PPP6R2: variants seen among roughly 807,000 people sequenced by gnomAD.
PPP6R2 encodes serine/threonine-protein phosphatase 6 regulatory subunit 2.
A neutral mutation model predicts 100.2 loss-of-function variants in PPP6R2; 62 were observed. That is an observed-to-expected ratio of 0.62 (90% CI 0.50 to 0.76). PPP6R2 has a LOEUF of 0.76. PPP6R2 is among the 30% of genes least tolerant of loss of function. The pLI is 0.00. For synonymous variants in PPP6R2, 525 were observed against 514.7 expected, an observed-to-expected ratio of 1.02 and a Z score of -0.27; for missense variants, 1,142 against 1,276.3, an observed-to-expected ratio of 0.89 and a Z score of 1.60.
chr22:50,395,226 G>A (rs529418395), intron 3 of PPP6R2, among the ~76,000 whole-genome samples: 4 of 152,298 alleles, frequency 2.6e-5, no homozygotes, highest in East Asian at 1.9e-4. Context: ...GGTACCGTCC[G>A]TTCTCAGAGT....
At chr22:50,424,326 A>C (rs12163307) in intron 10 of PPP6R2, among the ~76,000 whole-genome samples, 49,859 of 142,770 alleles carry the variant, frequency 0.35, 9,776 homozygotes, top group East Asian at 0.64. Context: ...CAGTTCTGTC[A>C]GCGTGTGGAA....
chr22:50,375,721 TC>T (rs1290740635), intron 2 of PPP6R2, among the ~76,000 whole-genome samples: 4 of 151,800 alleles, frequency 2.6e-5, no homozygotes, highest in Non-Finnish European at 4.4e-5. Flanking sequence ...TTCAGGGAAA[TC>T]GGGCATGAAT....
At chr22:50,438,008 C>T (rs1368015104) in intron 17 of PPP6R2, 108 bp downstream of exon 17, 1 of 1,510,702 alleles carries the variant, frequency 6.6e-7, no homozygotes, top group East Asian at 2.3e-5. Context: ...TGGGAGAGGC[C>T]CCTCTGTGGA....
chr22:50,440,876 T>A lies in PPP6R2; in HGVS notation c.2429T>A (p.Leu810Gln). The A allele has an allele frequency of 6.2e-7, 1 of 1,613,854 alleles. No homozygotes were observed. Among genetic ancestry groups the A allele is most frequent in the Non-Finnish European group, 8.5e-7 (1 of 1,179,988 alleles). ...WNVCVTRKAP[L>Q]LASDSSSSGG... ...GTGTGTGTCACCAGGAAGGCCCCCC[T>A]GCTGGCCTCTGACAGTAGCTCCTCT... The change falls in exon 22 of 24, where the codon CTG (leucine) becomes CAG (glutamine). Residue 810 changes from leucine to glutamine, a missense_variant. Transcript: ENST00000612753.
At chr22:50,408,620 ATGT>A (rs1268570316) in intron 4 of PPP6R2, among the ~76,000 whole-genome samples, 3 of 152,138 alleles carry the variant, frequency 2.0e-5, no homozygotes, top group Non-Finnish European at 2.9e-5. Flanking sequence ...GTGGTAGTAG[ATGT>A]TGTAAAAACC....
At chr22:50,362,502 T>C (rs2047991522) in intron 1 of PPP6R2, among the ~76,000 whole-genome samples, 1 of 152,164 alleles carries the variant, frequency 6.6e-6, no homozygotes, top group Non-Finnish European at 1.5e-5. Flanking sequence ...GTGTTCCCGT[T>C]GCAGAGCACG....
At chr22:50,393,870 G>GACCC (rs754062962) in intron 2 of PPP6R2, 23 bp from the exon 3 acceptor site, 5 of 1,613,080 alleles carry the variant, frequency 3.1e-6, no homozygotes, top group Non-Finnish European at 1.7e-6. Flanking sequence ...TGAGAGACGT[G>GACCC]ACCCCTTTGC....
intron 3 of PPP6R2, among the ~76,000 whole-genome samples, chr22:50,397,560 T>A (rs2057190862): frequency 6.9e-6 from 1 of 144,984 alleles, no homozygotes; most frequent in Admixed American, 6.7e-5. Context: ...GGGCCTGTCC[T>A]CACCAGCCCT....
chr22:50,364,800 G>A (rs2048416651), intron 1 of PPP6R2, among the ~76,000 whole-genome samples: 1 of 152,120 alleles, frequency 6.6e-6, no homozygotes, highest in Non-Finnish European at 1.5e-5. Flanking sequence ...GGAATCAGGT[G>A]GGGATGAGGA....
At position 50,443,922 on chromosome 22, in the gene PPP6R2, T is replaced by C. The variant is rs976920989; in HGVS notation, c.2636T>C (p.Val879Ala). 10 of 1,601,606 alleles carry C rather than the reference T, an allele frequency of 6.2e-6. No homozygotes were observed. The African/African-American group carries it at 1.1e-4, about 17-fold the overall frequency. ...LSPACPAPKE[V>A]TAAPAVAVPP... ...CCTGCCTGCCCCGCGCCAAAGGAAGTGACTGCTGCCCCAGCCGTGGCTGTG... is the reference window on the plus strand; with the variant it reads ...CCTGCCTGCCCCGCGCCAAAGGAAGCGACTGCTGCCCCAGCCGTGGCTGTG... Residue 879 changes from valine (V) to alanine (A), a missense_variant, in exon 23 of 24, where the codon GTG (valine) becomes GCG (alanine). By Grantham distance (64) the Val-to-Ala change is moderately conservative. Coordinates refer to ENST00000612753, the MANE Select transcript of PPP6R2 (RefSeq NM_001242898.2).
In PPP6R2 at chr22:50,393,822, A is replaced by G. The variant is rs2056155043; in HGVS notation, c.-16-71A>G. On this transcript the variant is annotated intron_variant, in intron 2 of 23. Transcript: ENST00000612753. Reference sequence around the variant, plus strand: ...GAGGTGAGAGAAATGACCCCTTTGGACTTGGGTCTAGTGTTGCTGAAGGTG... The same window carrying G: ...GAGGTGAGAGAAATGACCCCTTTGGGCTTGGGTCTAGTGTTGCTGAAGGTG... The G allele has an allele frequency of 3.8e-6, 6 of 1,587,950 alleles. No homozygotes were observed. The South Asian group carries it at 6.9e-5, about 18-fold the overall frequency.
the PPP6R2 span, among the ~76,000 whole-genome samples, chr22:50,337,758 G>T: frequency 6.9e-6 from 1 of 145,218 alleles, no homozygotes; most frequent in African/African-American, 2.6e-5. Context: ...TGTGGAGTGT[G>T]CACGATGTGT....
intron 2 of PPP6R2, among the ~76,000 whole-genome samples, chr22:50,390,467 A>G (rs1481528685): frequency 6.6e-6 from 1 of 152,186 alleles, no homozygotes; most frequent in Non-Finnish European, 1.5e-5. Flanking sequence ...ATCATGAAGG[A>G]CATTTCAAAA....
At chr22:50,388,942 TTC>T (rs2054853061) in intron 2 of PPP6R2, 1 of 152,132 alleles carries the variant, frequency 6.6e-6, no homozygotes, top group African/African-American at 2.4e-5. Context: ...GATTCTAATT[TTC>T]TCTTAGCAAC....
intron 2 of PPP6R2, among the ~76,000 whole-genome samples, chr22:50,385,160 C>A (rs2053950331): frequency 6.6e-6 from 1 of 152,204 alleles, no homozygotes; most frequent in South Asian, 2.1e-4. Context: ...CTCTTAAAGG[C>A]CCTACCTTTC....
intron 1 of PPP6R2, among the ~76,000 whole-genome samples, chr22:50,346,746 TC>T (rs1464485911): frequency 1.4e-5 from 2 of 139,278 alleles, no homozygotes; most frequent in Non-Finnish European, 3.1e-5. Flanking sequence ...TGGTCAGTGC[TC>T]CCCCACCGTC....
In PPP6R2 at chr22:50,368,306, C is replaced by T. The variant is rs12163472; in HGVS notation, c.-147-3714C>T. On this transcript the variant is annotated intron_variant, in intron 1 of 23. Coordinates refer to ENST00000612753, the MANE Select transcript of PPP6R2 (RefSeq NM_001242898.2). ...CTCGCCCAGGAAAGGGAGACAGACT[C>T]CCTTTCCCAGTCTGCTAAGTAACGG... is the stretch of plus-strand genomic sequence containing the variant. Among the ~76,000 whole-genome samples, 1,378 of 152,186 alleles carry T rather than the reference C, an allele frequency of 9.1e-3. 109 individuals are homozygous for T. In the East Asian group the frequency reaches 0.21, roughly 24 times the overall value.
At chr22:50,407,284 T>C (rs1017814707) in intron 4 of PPP6R2, among the ~76,000 whole-genome samples, 1 of 118,400 alleles carries the variant, frequency 8.4e-6, no homozygotes, top group African/African-American at 3.2e-5. Flanking sequence ...GAGGCAGAGG[T>C]TGCAGTGAGC....
intron 1 of PPP6R2, among the ~76,000 whole-genome samples, chr22:50,349,155 A>G (rs1162255960): frequency 6.9e-6 from 1 of 145,140 alleles, no homozygotes; most frequent in African/African-American, 2.6e-5. Context: ...AGATTGTGCC[A>G]TTGCACTCTA....
Sources: gnomAD v4.1 joint callset for allele counts (sites outside exome capture counted in the v4.1 genomes callset) on GRCh38, gnomAD v4.1.1 for gene constraint, MANE v1.5 for transcripts, NCBI Gene and HGNC (gene_info 2026-07-23, HGNC 2026-07-21) for gene names.